The following NSD3 variants were observed in gnomAD, a reference collection of about 807,000 sequenced individuals.
NSD3 encodes the protein nuclear receptor binding SET domain protein 3, also known as histone-lysine N-methyltransferase NSD3.
Under a neutral mutation model 160.8 loss-of-function variants are expected in NSD3, and 24 were observed. The ratio of observed to expected loss-of-function variants is 0.15; its 90% confidence interval spans 0.11 to 0.21. NSD3 has a LOEUF of 0.21. NSD3 is among the 10% of genes least tolerant of loss of function. The pLI is 1.00. For synonymous variants in NSD3, 520 were observed against 600.0 expected, an observed-to-expected ratio of 0.87 and a Z score of 1.95; for missense variants, 1,157 against 1,735.9, an observed-to-expected ratio of 0.67 and a Z score of 5.93.
At position 38,304,914 on chromosome 8, in the gene NSD3, T is replaced by A. The variant is rs75400776; in HGVS notation, c.2441-157A>T. On this transcript the variant is annotated intron_variant, in intron 13 of 23. Coordinates refer to ENST00000317025, the MANE Select transcript of NSD3 (RefSeq NM_023034.2). ...CTAGTCTGGCTCTGTCATCCTATGC[T>A]ATATGGCCCCTAAATGTAAGCCTAA... Among the ~76,000 whole-genome samples the A allele has an allele frequency of 1.0e-3, 154 of 152,320 alleles. 1 individual carries two copies. The East Asian group carries it at 0.025, about 25-fold the overall frequency.
chr8:38,349,102 T>A (rs963751446), intron 1 of NSD3, among the ~76,000 whole-genome samples: 8 of 152,248 alleles, frequency 5.3e-5, no homozygotes, highest in Non-Finnish European at 8.8e-5. Context: ...ATATAAATTT[T>A]TAAAATAGGG....
At chr8:38,334,539 G>C (rs1324366832) in intron 4 of NSD3, among the ~76,000 whole-genome samples, 1 of 152,132 alleles carries the variant, frequency 6.6e-6, no homozygotes, top group South Asian at 2.1e-4. Context: ...CAGATCACAA[G>C]GTCAGGAGTT....
In NSD3 at chr8:38,319,154, C is replaced by CA; in HGVS notation, c.1810-215dup. 1.9e-6 allele frequency: 1 copy of CA among 522,388 alleles called. No individual in the cohort carries two copies. The highest frequency in any genetic ancestry group is 3.4e-6 in the Non-Finnish European group (1 of 292,842). 32.4% of individuals were successfully genotyped at this position (522,388 alleles called of 1,614,324 possible). ...CTGTGCTGAATATCAAGTGACAACA[C>CA]ACAGCCACATGCTCTCTAGCAAAGA... On this transcript the variant is annotated intron_variant, in intron 8 of 23. Transcript: ENST00000317025. The surrounding 1 kb of genome is among the most constrained non-coding windows in gnomAD (Gnocchi z 4.1).
chr8:38,296,008 G>A, intron 15 of NSD3, 56 bp from the exon 16 acceptor site: 1 of 1,488,858 alleles, frequency 6.7e-7, no homozygotes, highest in African/African-American at 1.4e-5. Context: ...GAAAAAGAAA[G>A]AAAAAGGAGA....
In NSD3 at chr8:38,317,100, C is replaced by G; in HGVS notation, c.1856-1058G>C. On this transcript the variant is annotated intron_variant, in intron 9 of 23. Transcript: ENST00000317025. The surrounding 1 kb of genome is among the most constrained non-coding windows in gnomAD (Gnocchi z 5.3). ...CAGTCCAGAAGAGCCCATGGAGAAACAAGTCTCCTGAGGCCATGAAGATCC... is the reference window on the plus strand; with the variant it reads ...CAGTCCAGAAGAGCCCATGGAGAAAGAAGTCTCCTGAGGCCATGAAGATCC... 1 of 1,062,030 alleles carries G rather than the reference C, an allele frequency of 9.4e-7. No homozygotes were observed. The highest frequency in any genetic ancestry group is 1.1e-6 in the Non-Finnish European group (1 of 877,268). The allele number at this position is 1,062,030 out of a possible 1,614,324, so 65.8% of individuals were successfully genotyped here.
intron 1 of NSD3, among the ~76,000 whole-genome samples, chr8:38,379,076 C>T (rs12681196): frequency 2.7e-5 from 4 of 150,898 alleles, no homozygotes; most frequent in African/African-American, 7.3e-5. Context: ...GTGTAAGAGA[C>T]GGCATTTGTT....
chr8:38,367,985 T>G (rs1811147236), intron 1 of NSD3, among the ~76,000 whole-genome samples: 1 of 152,114 alleles, frequency 6.6e-6, no homozygotes, highest in African/African-American at 2.4e-5. Context: ...AAGCAAAATA[T>G]CTTTTTTTTT....
At chr8:38,275,957 C>T in intron 23 of NSD3, 75 bp from the exon 24 acceptor site, 1 of 1,317,012 alleles carries the variant, frequency 7.6e-7, no homozygotes. Context: ...ATGAAAAACC[C>T]AGGTTCCTTC....
intron 1 of NSD3, among the ~76,000 whole-genome samples, chr8:38,361,147 C>A (rs1810950708): frequency 6.6e-6 from 1 of 152,122 alleles, no homozygotes; most frequent in Non-Finnish European, 1.5e-5. Flanking sequence ...GCACGCGCCA[C>A]CAAGCCCAGC....
chr8:38,356,328 A>G (rs570883824), intron 1 of NSD3, among the ~76,000 whole-genome samples: 2 of 152,320 alleles, frequency 1.3e-5, no homozygotes, highest in African/African-American at 4.8e-5. Flanking sequence ...TTACCAACTT[A>G]TTCATGGTGG....
intron 1 of NSD3, among the ~76,000 whole-genome samples, chr8:38,359,550 A>T (rs1263374904): frequency 3.9e-5 from 6 of 152,226 alleles, no homozygotes; most frequent in Non-Finnish European, 8.8e-5. Context: ...ACCTGGTTCT[A>T]AGAACTTGAC....
intron 1 of NSD3, among the ~76,000 whole-genome samples, chr8:38,348,818 G>A (rs778162424): frequency 4.0e-5 from 6 of 151,860 alleles, no homozygotes; most frequent in African/African-American, 4.8e-5. Flanking sequence ...GCACCACCAC[G>A]CCCAGCTAAT....
At chr8:38,320,304 C>CT (rs1305095760) in intron 8 of NSD3, 5 of 151,988 alleles carry the variant, frequency 3.3e-5, no homozygotes, top group African/African-American at 1.2e-4. Context: ...GGAACTAATT[C>CT]TATTCAGAAT....
intron 2 of NSD3, among the ~76,000 whole-genome samples, chr8:38,344,024 A>T (rs762290539): frequency 4.6e-5 from 7 of 152,208 alleles, no homozygotes; most frequent in Admixed American, 2.6e-4. Context: ...ACACAGCCAC[A>T]TATTTCTGAT....
At chr8:38,301,020 G>C (rs1473619578) in intron 14 of NSD3, among the ~76,000 whole-genome samples, 1 of 152,118 alleles carries the variant, frequency 6.6e-6, no homozygotes, top group Non-Finnish European at 1.5e-5. Context: ...ACCCAGGCTG[G>C]AGTCCAGTGG....
chr8:38,344,539 G>T (rs1029117351), intron 2 of NSD3, among the ~76,000 whole-genome samples: 1 of 152,086 alleles, frequency 6.6e-6, no homozygotes, highest in Admixed American at 6.6e-5. Flanking sequence ...CTCCCAAAGG[G>T]CTGGTATTAC....
At chr8:38,290,718 A>G in intron 16 of NSD3, 41 bp from the exon 17 acceptor site, 1 of 1,599,644 alleles carries the variant, frequency 6.3e-7, no homozygotes, top group Non-Finnish European at 8.5e-7. Flanking sequence ...GGCAAAAACG[A>G]AACAAAAAAC....
chr8:38,375,018 AAAAT>A (rs1235458499), intron 1 of NSD3, among the ~76,000 whole-genome samples: 2 of 152,122 alleles, frequency 1.3e-5, no homozygotes, highest in African/African-American at 4.8e-5. Context: ...AAAAAATTTA[AAAAT>A]AAATAAATAA....
intron 11 of NSD3, 22 bp downstream of exon 11, chr8:38,315,394 A>G (rs775500949): frequency 6.5e-7 from 1 of 1,539,850 alleles, no homozygotes; most frequent in South Asian, 1.3e-5. Flanking sequence ...ATTTCAAGCC[A>G]TAGCACCAGT....
Sources: gnomAD v4.1 joint callset for allele counts (sites outside exome capture counted in the v4.1 genomes callset) on GRCh38, gnomAD v4.1.1 for gene constraint, Gnocchi (gnomAD v3.1) non-coding constraint, MANE v1.5 for transcripts, NCBI Gene and HGNC (gene_info 2026-07-23, HGNC 2026-07-21) for gene names.